Variants in ERBB4 observed in about 807,000 individuals in gnomAD.
ERBB4 encodes the protein receptor tyrosine-protein kinase erbB-4.
ERBB4 carries 42 observed loss-of-function variants against 158.0 expected under a neutral mutation model. The ratio of observed to expected loss-of-function variants is 0.27; its 90% confidence interval spans 0.21 to 0.34. ERBB4 has a LOEUF of 0.34. ERBB4 is among the 10% of genes least tolerant of loss of function. The probability of loss-of-function intolerance (pLI) is 1.00; values close to 1 mark genes in which losing one functional copy is unlikely to be tolerated. For missense variants in ERBB4, 1,333 were observed against 1,624.1 expected, an observed-to-expected ratio of 0.82 and a Z score of 3.08; for synonymous variants, 583 against 558.7, an observed-to-expected ratio of 1.04 and a Z score of -0.61.
chr2:211,990,715 T>G (rs2082052822), intron 2 of ERBB4, among the ~76,000 whole-genome samples: 1 of 151,842 alleles, frequency 6.6e-6, no homozygotes, highest in Non-Finnish European at 1.5e-5. Flanking sequence ...AAGTTCAGCC[T>G]GGAACATGCA....
At chr2:211,747,935 T>C (rs1481348563) in intron 5 of ERBB4, among the ~76,000 whole-genome samples, 5 of 152,020 alleles carry the variant, frequency 3.3e-5, no homozygotes, top group African/African-American at 7.2e-5. Context: ...AAATGGCATA[T>C]AATATTTGAG....
chr2:212,216,528 C>A (rs1257080749), intron 1 of ERBB4, among the ~76,000 whole-genome samples: 2 of 151,116 alleles, frequency 1.3e-5, no homozygotes, highest in East Asian at 3.9e-4. Flanking sequence ...ATTAATGTAA[C>A]CTGTTTTTAA....
intron 1 of ERBB4, among the ~76,000 whole-genome samples, chr2:212,227,022 G>A (rs2083494554): frequency 6.6e-6 from 1 of 152,142 alleles, no homozygotes; most frequent in Non-Finnish European, 1.5e-5. Flanking sequence ...GAGGCTGGCA[G>A]AACGCTTAAG....
intron 2 of ERBB4, among the ~76,000 whole-genome samples, chr2:211,960,276 G>T (rs1218721894): frequency 1.3e-5 from 2 of 151,978 alleles, no homozygotes; most frequent in Admixed American, 6.6e-5. Context: ...AAGGGCTCAA[G>T]AACCAATTGG....
Position 211,572,998 on chromosome 2 carries a change from T to G in ERBB4, c.2302-10910A>C, listed in dbSNP as rs548944524. Among the ~76,000 whole-genome samples the G allele has an allele frequency of 1.8e-4, 27 of 152,320 alleles. No individual in the cohort carries two copies. The South Asian group carries it at 5.2e-3, about 29-fold the overall frequency. Reference sequence around the variant, plus strand: ...TCCCACATCTTAATCCCAGGTCATATTCATCCCTGAGGTGAATACTACCTT... The same window carrying G: ...TCCCACATCTTAATCCCAGGTCATAGTCATCCCTGAGGTGAATACTACCTT... On this transcript the variant is annotated intron_variant, in intron 19 of 27. Transcript: ENST00000342788.
chr2:211,389,955 A>C (rs2125326790), intron 25 of ERBB4, among the ~76,000 whole-genome samples: 1 of 152,310 alleles, frequency 6.6e-6, no homozygotes, highest in Middle Eastern at 3.4e-3. Context: ...AGGCATTTTA[A>C]AATGCTCACC....
chr2:211,786,751 C>G (rs2076173145), intron 4 of ERBB4, among the ~76,000 whole-genome samples: 1 of 152,090 alleles, frequency 6.6e-6, no homozygotes. Context: ...TTCCTTTTAC[C>G]CAACCAATAT....
At chr2:212,047,182 C>T (rs1338328557) in intron 2 of ERBB4, among the ~76,000 whole-genome samples, 2 of 152,156 alleles carry the variant, frequency 1.3e-5, no homozygotes, top group Non-Finnish European at 2.9e-5. Context: ...ACCTCTAACA[C>T]TCTTTATCCT....
intron 2 of ERBB4, among the ~76,000 whole-genome samples, chr2:212,003,302 T>G (rs979090436): frequency 7.0e-6 from 1 of 142,970 alleles, no homozygotes; most frequent in Non-Finnish European, 1.5e-5. Flanking sequence ...AACAAAAATC[T>G]TAATTGACCA....
At chr2:211,650,851 C>T (rs771092539) in intron 16 of ERBB4, among the ~76,000 whole-genome samples, 4 of 152,004 alleles carry the variant, frequency 2.6e-5, no homozygotes, top group Non-Finnish European at 4.4e-5. Flanking sequence ...TTTTATATTC[C>T]CTTTTTCATA....
intron 1 of ERBB4, among the ~76,000 whole-genome samples, chr2:212,226,943 T>G (rs1252574240): frequency 6.6e-6 from 1 of 152,094 alleles, no homozygotes; most frequent in Non-Finnish European, 1.5e-5. Flanking sequence ...TGGAGATAGA[T>G]TCTAAGAAAT....
intron 1 of ERBB4, among the ~76,000 whole-genome samples, chr2:212,348,820 C>T (rs2089130217): frequency 6.6e-6 from 1 of 152,008 alleles, no homozygotes; most frequent in East Asian, 1.9e-4. Context: ...AAAACCTGCT[C>T]ATAATAAAAT....
chr2:211,380,415 T>G lies in ERBB4; in HGVS notation c.*3200A>C. ...AAGTTGGGTGATTTAAAAAATATAC[T>G]CCGTGTAATTTTAATACTAATTTGT... On this transcript the variant is annotated 3_prime_UTR_variant, in exon 28 of 28. Coordinates refer to ENST00000342788, the MANE Select transcript of ERBB4 (RefSeq NM_005235.3). The G allele has an allele frequency of 4.3e-6, 1 of 232,432 alleles. No individual in the cohort carries two copies. Among genetic ancestry groups the G allele is most frequent in the East Asian group, 6.1e-5 (1 of 16,458 alleles). The allele number at this position is 232,432 out of a possible 1,614,324, so 14.4% of individuals were successfully genotyped here. A position where few individuals can be genotyped will look rare whatever the true frequency, so the allele number is the denominator to read the frequency against.
intron 2 of ERBB4, among the ~76,000 whole-genome samples, chr2:211,955,043 G>T (rs923361767): frequency 1.3e-5 from 2 of 151,784 alleles, no homozygotes; most frequent in African/African-American, 2.4e-5. Flanking sequence ...CATTTAATTA[G>T]ATTTGAAAAA....
intron 3 of ERBB4, among the ~76,000 whole-genome samples, chr2:211,800,629 G>A (rs1319188634): frequency 6.8e-6 from 1 of 147,162 alleles, no homozygotes; most frequent in Non-Finnish European, 1.5e-5. Context: ...ATGCTTTTAA[G>A]GGATCTTTTC....
At chr2:211,878,701 A>G (rs1340345240) in intron 3 of ERBB4, among the ~76,000 whole-genome samples, 1 of 122,056 alleles carries the variant, frequency 8.2e-6, no homozygotes, top group Non-Finnish European at 1.6e-5. Flanking sequence ...CTTGTTGCCC[A>G]GACTGGAGTG....
chr2:212,138,262 A>G (rs2080336643), intron 1 of ERBB4, among the ~76,000 whole-genome samples: 1 of 152,148 alleles, frequency 6.6e-6, no homozygotes, highest in Non-Finnish European at 1.5e-5. Flanking sequence ...TTTTGTATAA[A>G]AGTTAGACAT....
intron 3 of ERBB4, among the ~76,000 whole-genome samples, chr2:211,889,687 T>C (rs1245836406): frequency 7.6e-5 from 11 of 144,402 alleles, no homozygotes; most frequent in Admixed American, 7.4e-4. Context: ...ATAACTAGAA[T>C]AACCAATACA....
At chr2:211,513,358 A>T (rs1328865858) in intron 20 of ERBB4, among the ~76,000 whole-genome samples, 2 of 67,274 alleles carry the variant, frequency 3.0e-5, no homozygotes, top group African/African-American at 6.6e-5. Context: ...ACTCCGTCTC[A>T]AAAAAAAAAA....
Sources: gnomAD v4.1 joint callset for allele counts (sites outside exome capture counted in the v4.1 genomes callset) on GRCh38, gnomAD v4.1.1 for gene constraint, MANE v1.5 for transcripts, NCBI Gene and HGNC (gene_info 2026-07-23, HGNC 2026-07-21) for gene names.